The following KIAA0753 variants were observed in gnomAD, a reference collection of about 807,000 sequenced individuals.
KIAA0753 encodes the protein KIAA0753, also known as protein moonraker.
In KIAA0753, 114 loss-of-function variants were observed where a neutral mutation model predicts 116.9. The ratio of observed to expected loss-of-function variants is 0.98; its 90% CI spans 0.84 to 1.14. KIAA0753 has a LOEUF of 1.14. KIAA0753 is among the 50% of genes most tolerant of loss of function. The pLI is 0.00. For synonymous variants in KIAA0753, 405 were observed against 413.1 expected (o/e 0.98, Z 0.24); for missense variants, 1,156 against 1,172.4 (o/e 0.99, Z 0.20).
chr17:6,635,251 G>T, intron 1 of KIAA0753, 80 bp from the exon 2 acceptor site: 1 of 581,222 alleles, frequency 1.7e-6, no homozygotes. Context: ...CCATGTGCAT[G>T]TAGCAATATA....
At chr17:6,590,086 AG>A in intron 17 of KIAA0753, 83 bp from the exon 18 acceptor site, 1 of 1,047,540 alleles carries the variant, frequency 9.5e-7, no homozygotes, top group African/African-American at 1.6e-5. Flanking sequence ...ATGGTTTGAT[AG>A]CCAAAGGCTC....
intron 4 of KIAA0753, 24 bp from the exon 5 acceptor site, chr17:6,623,595 AAAACT>A: frequency 6.2e-7 from 1 of 1,602,092 alleles, no homozygotes; most frequent in Non-Finnish European, 8.5e-7. Context: ...GGGAAAAAAG[AAAACT>A]TCATACCTTT....
Position 6,578,696 on chromosome 17 carries a change from C to T in KIAA0753, c.*1051G>A, listed in dbSNP as rs999589599. 3 of 152,258 alleles carry T rather than the reference C, an allele frequency of 2.0e-5. No individual in the cohort carries two copies. The highest frequency in any genetic ancestry group is 7.2e-5 in the African/African-American group (3 of 41,460). The allele number at this position is 152,258 out of a possible 1,614,324, so 9.4% of individuals were successfully genotyped here. A position where few individuals can be genotyped will look rare whatever the true frequency, so the allele number is the denominator to read the frequency against. On this transcript the variant is annotated 3_prime_UTR_variant, in exon 19 of 19. Coordinates refer to ENST00000361413, the MANE Select transcript of KIAA0753 (RefSeq NM_014804.3). ...TCTGCATGTTTCCTTCACTGAGCCT[C>T]AGGCTACGAATTGAGAGAAAGTCTT...
chr17:6,621,848 C>T (rs1242772963), intron 6 of KIAA0753, among the ~76,000 whole-genome samples: 3 of 152,296 alleles, frequency 2.0e-5, no homozygotes, highest in Non-Finnish European at 4.4e-5. Context: ...AAAAGCATCA[C>T]ATGACTTGAG....
At chr17:6,593,160 CA>C (rs1969196260) in intron 16 of KIAA0753, among the ~76,000 whole-genome samples, 1 of 152,142 alleles carries the variant, frequency 6.6e-6, no homozygotes, top group Non-Finnish European at 1.5e-5. Flanking sequence ...TTCTATGACT[CA>C]AAAAGACAAG....
At chr17:6,588,538 C>T (rs1368058303) in intron 18 of KIAA0753, among the ~76,000 whole-genome samples, 1 of 152,140 alleles carries the variant, frequency 6.6e-6, no homozygotes, top group Non-Finnish European at 1.5e-5. Context: ...TTAACTGATA[C>T]TTTTGATCCA....
chr17:6,632,510 C>T (rs1972073685), intron 2 of KIAA0753, among the ~76,000 whole-genome samples: 1 of 151,998 alleles, frequency 6.6e-6, no homozygotes, highest in Non-Finnish European at 1.5e-5. Flanking sequence ...TTGCCAACCA[C>T]CATAATAAAA....
intron 2 of KIAA0753, among the ~76,000 whole-genome samples, chr17:6,629,414 A>T (rs1336309215): frequency 6.6e-6 from 1 of 152,198 alleles, no homozygotes; most frequent in Non-Finnish European, 1.5e-5. Context: ...TTCATGCCTA[A>T]CTATAATGTT....
chr17:6,595,027 T>C lies in KIAA0753; in HGVS notation c.2385A>G (p.Arg795=). The C allele has an allele frequency of 6.2e-7, 1 of 1,611,256 alleles. No homozygotes were observed. Among genetic ancestry groups the C allele is most frequent in the Non-Finnish European group, 8.5e-7 (1 of 1,178,092 alleles). ...GATCAGCATATGCGATTTTATTATA[T>C]CTTTGACGAACAGACTCCTGGTATT... is the stretch of plus-strand genomic sequence containing the variant. ...MEKYQESVRQ[R]YNKIAYADPR... Residue 795 remains arginine (R), a synonymous_variant, in exon 16 of 19, where the codon AGA becomes AGG. Transcript: ENST00000361413.
intron 7 of KIAA0753, among the ~76,000 whole-genome samples, chr17:6,613,748 A>G (rs1269209795): frequency 6.6e-6 from 1 of 152,254 alleles, no homozygotes; most frequent in East Asian, 1.9e-4. Context: ...ATGAAGGCCT[A>G]AATGTGGAAA....
Position 6,628,640 on chromosome 17 carries a change from T to C in KIAA0753, c.195A>G (p.Ser65=), listed in dbSNP as rs201088411. ...CTTTACAATGGTATGATTCATTGTA[T>C]GAGTGCTTCAGTTTTTCAATTCTAA... The part of the protein sequence containing the change: ...HAIRIEKLKH[S]YNESYHCKDA... Residue 65 remains serine, a synonymous_variant, in exon 3 of 19, where the codon TCA becomes TCG. Coordinates refer to ENST00000361413, the MANE Select transcript of KIAA0753 (RefSeq NM_014804.3). The C allele has an allele frequency of 4.2e-4, 682 of 1,614,116 alleles. 17 individuals are homozygous for C. In the Admixed American group the frequency reaches 0.011, roughly 26 times the overall value.
Position 6,620,806 on chromosome 17 carries a change from C to T in KIAA0753, c.1297G>A (p.Ala433Thr), listed in dbSNP as rs765386394. 1.2e-6 allele frequency: 2 copies of T among 1,614,158 alleles called. No individual in the cohort carries two copies. Among genetic ancestry groups the T allele is most frequent in the South Asian group, 2.2e-5 (2 of 91,092 alleles). The change falls in exon 7 of 19, where the codon GCA (alanine) becomes ACA (threonine). Residue 433 changes from alanine to threonine, a missense_variant. Transcript: ENST00000361413. ...CACATACCGGCAAGAAGCTGCTTTG[C>T]TACAGAAGGTCGACTTGTTTCCTGT... ...FPQETSRPSV[A>T]KQLLADKYQP... is the part of the protein sequence containing the mutation.
At chr17:6,585,880 A>G (rs1158805786) in intron 18 of KIAA0753, among the ~76,000 whole-genome samples, 1 of 152,158 alleles carries the variant, frequency 6.6e-6, no homozygotes, top group Non-Finnish European at 1.5e-5. Flanking sequence ...ATCTCAGGTC[A>G]TCTGCTCATT....
At chr17:6,618,681 G>C (rs1971095804) in intron 7 of KIAA0753, among the ~76,000 whole-genome samples, 1 of 152,066 alleles carries the variant, frequency 6.6e-6, no homozygotes, top group South Asian at 2.1e-4. Context: ...TAGTAGAAGT[G>C]GAACACTAAA....
At chr17:6,630,084 T>C (rs1485609902) in intron 2 of KIAA0753, among the ~76,000 whole-genome samples, 1 of 152,046 alleles carries the variant, frequency 6.6e-6, no homozygotes, top group Non-Finnish European at 1.5e-5. Flanking sequence ...ACTAAGCCAC[T>C]GCACTCAAGC....
At chr17:6,596,067 A>C in intron 15 of KIAA0753, 91 bp downstream of exon 15, 5 of 1,272,594 alleles carry the variant, frequency 3.9e-6, no homozygotes, top group Non-Finnish European at 1.1e-6. Context: ...GTGTGACTCT[A>C]ACAGATGAGG....
At position 6,620,906 on chromosome 17, in the gene KIAA0753, T is replaced by C. The variant is rs1971274044; in HGVS notation, c.1197A>G (p.Gln399=). ...EIRSRFPIGS[Q]KALERWPSTS... is the part of the protein sequence containing the mutation. ...TACTTGGCCATCTCTCCAAGGCCTT[T>C]TGGCTACCGATAGGAAATCTGCTCC... is the stretch of plus-strand genomic sequence containing the variant. The change falls in exon 7 of 19, where the codon CAA becomes CAG. Residue 399 remains glutamine (Q), a synonymous_variant. Transcript: ENST00000361413. The C allele has an allele frequency of 6.2e-7, 1 of 1,614,080 alleles. No homozygotes were observed.
intron 12 of KIAA0753, 47 bp from the exon 13 acceptor site, chr17:6,600,505 T>G: frequency 6.9e-7 from 1 of 1,452,972 alleles, no homozygotes; most frequent in Non-Finnish European, 9.6e-7. Context: ...CAATAAAATA[T>G]CCTATTTTGC....
intron 10 of KIAA0753, among the ~76,000 whole-genome samples, chr17:6,608,069 C>T (rs1970304038): frequency 6.6e-6 from 1 of 152,180 alleles, no homozygotes; most frequent in Admixed American, 6.5e-5. Context: ...CTCCATAGAG[C>T]TCATAACACT....
Sources: allele counts gnomAD v4.1 joint callset (sites outside exome capture counted in the v4.1 genomes callset), GRCh38; gene constraint gnomAD v4.1.1; transcripts MANE v1.5; gene names NCBI Gene and HGNC (gene_info 2026-07-23, HGNC 2026-07-21).